TCERG1L: variants seen among roughly 807,000 people sequenced by gnomAD.
TCERG1L encodes transcription elongation regulator 1 like.
Under a neutral mutation model 56.3 loss-of-function variants are expected in TCERG1L, and 37 were observed. That is an observed-to-expected ratio of 0.66 (90% CI 0.51 to 0.87). The LOEUF is 0.87. Ranked by LOEUF, TCERG1L falls within the 40% of genes least tolerant of loss-of-function variation. The pLI is 0.00. For synonymous variants in TCERG1L, 324 were observed against 326.3 expected (o/e 0.99, Z 0.08); for missense variants, 799 against 774.2 (o/e 1.03, Z -0.38).
chr10:131,244,742 G>A (rs1486073700), intron 4 of TCERG1L, among the ~76,000 whole-genome samples: 1 of 152,174 alleles, frequency 6.6e-6, no homozygotes, highest in African/African-American at 2.4e-5. Flanking sequence ...GGCCCAGGCT[G>A]AAAGAGTTTT....
chr10:131,198,050 T>C (rs953326955), intron 4 of TCERG1L, among the ~76,000 whole-genome samples: 1 of 150,620 alleles, frequency 6.6e-6, no homozygotes, highest in Non-Finnish European at 1.5e-5. Context: ...TGCTGTTTTT[T>C]ACAAAAATTC....
In TCERG1L at chr10:131,187,809, T is replaced by A. The variant is rs370812475; in HGVS notation, c.857-20924A>T. On this transcript the variant is annotated intron_variant, in intron 4 of 11. Transcript: ENST00000368642. ...CAGCTGGCACCTACTCGGCACTCCA[T>A]CCTGCTGCACTGGGAGGACTTGGTG... Among the ~76,000 whole-genome samples the A allele has an allele frequency of 1.9e-4, 29 of 152,274 alleles. No homozygotes were observed. In the East Asian group the frequency reaches 4.1e-3, roughly 21 times the overall value.
At position 131,256,293 on chromosome 10, in the gene TCERG1L, G is replaced by C. The variant is rs139205772; in HGVS notation, c.856+3966C>G. Among the ~76,000 whole-genome samples, 940 of 152,206 alleles carry C rather than the reference G, an allele frequency of 6.2e-3. 10 individuals carry two copies. The highest frequency in any genetic ancestry group is 0.021 in the African/African-American group (893 of 41,540). On this transcript the variant is annotated intron_variant, in intron 4 of 11. Coordinates refer to ENST00000368642, the MANE Select transcript of TCERG1L (RefSeq NM_174937.4). ...CAGCAACATGAAAGGCTGCGTGGTA[G>C]AATTCTGGCTTGGAGACTTTCTGAC...
chr10:131,218,810 C>T (rs550159690), intron 4 of TCERG1L, among the ~76,000 whole-genome samples: 21 of 152,284 alleles, frequency 1.4e-4, no homozygotes, highest in Non-Finnish European at 2.4e-4. Context: ...TGCAGCTTGG[C>T]GACCTCCATG....
Position 131,092,829 on chromosome 10 carries a change from G to A in TCERG1L, c.*333C>T, listed in dbSNP as rs1458973590. The A allele has an allele frequency of 1.0e-5, 2 of 196,532 alleles. No individual in the cohort carries two copies. Among genetic ancestry groups the A allele is most frequent in the Non-Finnish European group, 2.1e-5 (2 of 97,436 alleles). The allele number at this position is 196,532 out of a possible 1,614,324, so 12.2% of individuals were successfully genotyped here. A position where few individuals can be genotyped will look rare whatever the true frequency, so the allele number is the denominator to read the frequency against. ...AATCGTCTTAGGTGATGACACAAAT[G>A]CCTTGAGATTGTTACAGAGGCTCCC... On this transcript the variant is annotated 3_prime_UTR_variant, in exon 12 of 12. Transcript: ENST00000368642.
chr10:131,311,513 C>A lies in TCERG1L; in HGVS notation c.123G>T (p.Trp41Cys). Residue 41 changes from tryptophan to cysteine, a missense_variant, in exon 1 of 12, where the codon TGG becomes TGT. Trp to Cys is a radical substitution (Grantham distance 215, BLOSUM62 -2). Transcript: ENST00000368642. The surrounding 1 kb of genome is among the most constrained non-coding windows in gnomAD (Gnocchi z 4.0). ...GCAGCCCGGCCGAGCCCGGCACCATCCAGACCCAGGGCGGCGGCGGCGGCG... is the reference window on the plus strand; with the variant it reads ...GCAGCCCGGCCGAGCCCGGCACCATACAGACCCAGGGCGGCGGCGGCGGCG... ...AEPPPPPPWV[W>C]MVPGSAGLLR... 4 of 1,207,094 alleles carry A rather than the reference C, an allele frequency of 3.3e-6. No individual in the cohort carries two copies. Among genetic ancestry groups the A allele is most frequent in the East Asian group, 3.8e-5 (1 of 26,278 alleles). The allele number at this position is 1,207,094 out of a possible 1,614,324, so 74.8% of individuals were successfully genotyped here. A position where few individuals can be genotyped will look rare whatever the true frequency, so the allele number is the denominator to read the frequency against.
intron 3 of TCERG1L, among the ~76,000 whole-genome samples, chr10:131,285,580 GAAAAA>G (rs147172100): frequency 0.028 from 3,941 of 139,622 alleles, 107 homozygotes; most frequent in African/African-American, 0.048. Context: ...AAGAAAGAAA[GAAAAA>G]AAATGAGATG....
chr10:131,223,616 ACACT>A (rs1459912881), intron 4 of TCERG1L, among the ~76,000 whole-genome samples: 134 of 152,118 alleles, frequency 8.8e-4, no homozygotes, highest in Admixed American at 8.3e-3. Context: ...ATGCTCACAC[ACACT>A]GACATGCTCA....
At chr10:131,194,270 C>T (rs914388211) in intron 4 of TCERG1L, among the ~76,000 whole-genome samples, 2 of 152,236 alleles carry the variant, frequency 1.3e-5, no homozygotes, top group Admixed American at 6.5e-5. Flanking sequence ...AGATGTCACT[C>T]GCTGCCCCGA....
chr10:131,100,737 C>T (rs560476048), intron 10 of TCERG1L, among the ~76,000 whole-genome samples: 1 of 152,342 alleles, frequency 6.6e-6, no homozygotes, highest in Admixed American at 6.5e-5. Flanking sequence ...TAGCTTTCCC[C>T]ATGAAAACGC....
intron 4 of TCERG1L, among the ~76,000 whole-genome samples, chr10:131,233,083 A>C (rs1473300217): frequency 6.6e-6 from 1 of 152,208 alleles, no homozygotes; most frequent in Non-Finnish European, 1.5e-5. Context: ...TGGTCAGACG[A>C]TGTTAGCGTA....
intron 6 of TCERG1L, 176 bp downstream of exon 6, chr10:131,162,946 T>C (rs561593729): frequency 1.1e-5 from 6 of 525,328 alleles, no homozygotes; most frequent in Non-Finnish European, 1.3e-5. Flanking sequence ...TGCTGTTTTT[T>C]TCTTTCTGCA....
rs11017745 is a variant in TCERG1L, at chr10:131,142,204, C to T, written c.1189+4302G>A. 3.3e-5 allele frequency among the ~76,000 whole-genome samples: 5 copies of T among 152,366 alleles called. No individual in the cohort carries two copies. In the Middle Eastern group the frequency reaches 0.01, roughly 311 times the overall value. On this transcript the variant is annotated intron_variant, in intron 7 of 11. Transcript: ENST00000368642. Reference sequence around the variant, plus strand: ...AAGGCCAGGATTTCTCCCAGAGAGCCTGGGGCAGGTGGGATCCAGGTGGGC... The same window carrying T: ...AAGGCCAGGATTTCTCCCAGAGAGCTTGGGGCAGGTGGGATCCAGGTGGGC...
At chr10:131,202,560 G>A (rs1279029832) in intron 4 of TCERG1L, among the ~76,000 whole-genome samples, 3 of 152,074 alleles carry the variant, frequency 2.0e-5, no homozygotes, top group African/African-American at 7.2e-5. Flanking sequence ...CAGCCTGGGT[G>A]ACAGAGCAAG....
At chr10:131,246,000 C>T (rs969855846) in intron 4 of TCERG1L, among the ~76,000 whole-genome samples, 1 of 152,086 alleles carries the variant, frequency 6.6e-6, no homozygotes, top group African/African-American at 2.4e-5. Context: ...AGGCCGAGAG[C>T]CCCCCAAGTG....
intron 8 of TCERG1L, among the ~76,000 whole-genome samples, chr10:131,133,456 C>CG: frequency 6.6e-6 from 1 of 152,248 alleles, no homozygotes; most frequent in Admixed American, 6.5e-5. Context: ...GCAGGATGAA[C>CG]GCACCTGTGG....
At chr10:131,247,469 A>G (rs1370069291) in intron 4 of TCERG1L, among the ~76,000 whole-genome samples, 1 of 152,148 alleles carries the variant, frequency 6.6e-6, no homozygotes, top group Non-Finnish European at 1.5e-5. Context: ...AAGTGTCCTC[A>G]GTCAAGAACC....
chr10:131,120,642 A>T (rs1461344028), intron 8 of TCERG1L, among the ~76,000 whole-genome samples: 2 of 152,236 alleles, frequency 1.3e-5, no homozygotes, highest in Non-Finnish European at 2.9e-5. Context: ...GCCTCATCAC[A>T]GCACTACCCA....
chr10:131,211,499 C>T (rs1005327930), intron 4 of TCERG1L, among the ~76,000 whole-genome samples: 5 of 152,168 alleles, frequency 3.3e-5, no homozygotes, highest in Non-Finnish European at 7.4e-5. Context: ...AGTTACACCA[C>T]GAGAAGTAAT....
Sources: gnomAD v4.1 joint callset for allele counts (sites outside exome capture counted in the v4.1 genomes callset) on GRCh38, gnomAD v4.1.1 for gene constraint, Gnocchi (gnomAD v3.1) non-coding constraint, MANE v1.5 for transcripts, NCBI Gene and HGNC (gene_info 2026-07-23, HGNC 2026-07-21) for gene names.